The following TIMP2 variants were observed in gnomAD, a reference collection of about 807,000 sequenced individuals.
TIMP2 encodes metalloproteinase inhibitor 2.
A neutral mutation model predicts 24.3 loss-of-function variants in TIMP2; 5 were observed. The observed-to-expected ratio is 0.21, with a 90% CI of 0.11 to 0.43. TIMP2 has a LOEUF of 0.43. Among genes scored for constraint, TIMP2 ranks in the 20% least tolerant of loss-of-function variants. TIMP2 has a pLI of 1.00. For synonymous variants in TIMP2, 130 were observed against 123.2 expected (o/e 1.06, Z -0.37); for missense variants, 221 against 297.5 (o/e 0.74, Z 1.89).
chr17:78,899,945 A>C (rs1355691012), intron 1 of TIMP2: 1 of 152,222 alleles, frequency 6.6e-6, no homozygotes, highest in Non-Finnish European at 1.5e-5. Context: ...CATCGGCCAG[A>C]GAGAGAACAT....
chr17:78,912,355 G>T (rs1026676931), intron 1 of TIMP2, among the ~76,000 whole-genome samples: 1 of 152,114 alleles, frequency 6.6e-6, no homozygotes, highest in African/African-American at 2.4e-5. Context: ...AGTTTGCTTT[G>T]CCACGTCTGT....
At chr17:78,870,415 CA>C (rs899523959) in intron 3 of TIMP2, among the ~76,000 whole-genome samples, 2 of 46,994 alleles carry the variant, frequency 4.3e-5, no homozygotes, top group African/African-American at 6.9e-5. Context: ...CACTCTGTCT[CA>C]AAAAAAAAGA....
At chr17:78,918,074 A>ACACACACACACG (rs2070277612) in intron 1 of TIMP2, among the ~76,000 whole-genome samples, 1 of 79,820 alleles carries the variant, frequency 1.3e-5, no homozygotes, top group African/African-American at 3.7e-5. Flanking sequence ...AAACACACAC[A>ACACACACACACG]CACACACACA....
chr17:78,924,969 A>G lies in TIMP2; in HGVS notation c.120T>C (p.Asn40=). Residue 40 remains asparagine, a synonymous_variant, in exon 1 of 5, where the codon AAT becomes AAC. Coordinates refer to ENST00000262768, the MANE Select transcript of TIMP2 (RefSeq NM_003255.5). The surrounding 1 kb of genome is among the most constrained non-coding windows in gnomAD (Gnocchi z 5.3). ...GTCGCCGCTCCTTACCTACATCTGC[A>G]TTGCAAAACGCCTGTTGCGGGTGCA... ...SPVHPQQAFC[N]ADVVIRAKAV... The G allele has an allele frequency of 1.5e-6, 2 of 1,297,626 alleles. No homozygotes were observed. The highest frequency in any genetic ancestry group is 2.0e-6 in the Non-Finnish European group (2 of 1,013,078). The allele number at this position is 1,297,626 out of a possible 1,614,324, so 80.4% of individuals were successfully genotyped here.
At chr17:78,859,627 A>C (rs1480694468) in intron 3 of TIMP2, among the ~76,000 whole-genome samples, 1 of 151,324 alleles carries the variant, frequency 6.6e-6, no homozygotes, top group Non-Finnish European at 1.5e-5. Flanking sequence ...TGCAAACTGC[A>C]CTCCAGCCTG....
At chr17:78,870,227 C>T (rs2069665443) in intron 3 of TIMP2, among the ~76,000 whole-genome samples, 1 of 152,052 alleles carries the variant, frequency 6.6e-6, no homozygotes, top group African/African-American at 2.4e-5. Context: ...ACCAGCCTGA[C>T]CAACACGGTA....
chr17:78,887,174 G>A (rs1490365526), intron 1 of TIMP2, among the ~76,000 whole-genome samples: 1 of 152,162 alleles, frequency 6.6e-6, no homozygotes, highest in Admixed American at 6.5e-5. Context: ...TTGGTTCCAC[G>A]AGCTTCGCAT....
chr17:78,900,781 G>A lies in TIMP2; in HGVS notation c.130+24178C>T, dbSNP rs565803813. Among the ~76,000 whole-genome samples, 19 of 152,298 alleles carry A rather than the reference G, an allele frequency of 1.2e-4. 2 individuals are homozygous for A. Among genetic ancestry groups the A allele is most frequent in the African/African-American group, 4.6e-4 (19 of 41,570 alleles). ...TCTTACAAGATAAAAAAAGGTAATG[G>A]GAACACATCTAAAACTTATATGTGG... is the stretch of plus-strand genomic sequence containing the variant. On this transcript the variant is annotated intron_variant, in intron 1 of 4. Coordinates refer to ENST00000262768, the MANE Select transcript of TIMP2 (RefSeq NM_003255.5).
rs903811399 is a variant in TIMP2 at position 78,877,851 on chromosome 17, G to A, written c.131-3932C>T. 1.2e-4 allele frequency among the ~76,000 whole-genome samples: 18 copies of A among 151,882 alleles called. No individual in the cohort carries two copies. In the East Asian group the frequency reaches 3.3e-3, roughly 28 times the overall value. On this transcript the variant is annotated intron_variant, in intron 1 of 4. Transcript: ENST00000262768. ...CCCAAGTAGCTGGGATTACAGGCAC[G>A]CGCCACCATGCCCGGCTAATTTTTT...
At chr17:78,867,706 C>T (rs1457166448) in intron 3 of TIMP2, among the ~76,000 whole-genome samples, 1 of 151,630 alleles carries the variant, frequency 6.6e-6, no homozygotes, top group Non-Finnish European at 1.5e-5. Context: ...CGCCATTCTC[C>T]TGCCTCAGCC....
chr17:78,893,352 T>G (rs2069942102), intron 1 of TIMP2, among the ~76,000 whole-genome samples: 2 of 139,750 alleles, frequency 1.4e-5, no homozygotes, highest in Admixed American at 7.1e-5. Flanking sequence ...TGTGCAGGGG[T>G]GTGTGTGCAG....
intron 2 of TIMP2, 37 bp from the exon 3 acceptor site, chr17:78,871,043 A>C (rs1209230572): frequency 2.6e-6 from 4 of 1,564,238 alleles, no homozygotes; most frequent in Non-Finnish European, 3.5e-6. Context: ...AAGCAGAGGG[A>C]GGCCACACAG....
In TIMP2 at chr17:78,921,198, T is replaced by C. The variant is rs569649566; in HGVS notation, c.130+3761A>G. 4.9e-4 allele frequency among the ~76,000 whole-genome samples: 75 copies of C among 152,312 alleles called. 1 individual carries two copies. Among genetic ancestry groups the C allele is most frequent in the Admixed American group, 4.6e-3 (70 of 15,294 alleles). ...TCTGGGGTGGCCCCTACTATCTGTC[T>C]GGTCCCTGTCACTGTGTCCCCCAGG... On this transcript the variant is annotated intron_variant, in intron 1 of 4. Coordinates refer to ENST00000262768, the MANE Select transcript of TIMP2 (RefSeq NM_003255.5).
At chr17:78,917,924 T>C (rs1489507024) in intron 1 of TIMP2, among the ~76,000 whole-genome samples, 1 of 152,058 alleles carries the variant, frequency 6.6e-6, no homozygotes, top group Non-Finnish European at 1.5e-5. Flanking sequence ...AGGCAGATAC[T>C]CACAAGAAAC....
At position 78,871,089 on chromosome 17, in the gene TIMP2, C is replaced by T. The variant is rs184450073; in HGVS notation, c.232-83G>A. The T allele has an allele frequency of 2.7e-4, 312 of 1,169,096 alleles. 1 individual carries two copies. In the African/African-American group the frequency reaches 3.9e-3, roughly 15 times the overall value. The allele number at this position is 1,169,096 out of a possible 1,614,324, so 72.4% of individuals were successfully genotyped here. On this transcript the variant is annotated intron_variant, in intron 2 of 4. Transcript: ENST00000262768. ...CCGTTCCCATCCAGAACACCCTGGG[C>T]GGCACAACCTGTAGCTGGGGTACAG... is the stretch of plus-strand genomic sequence containing the variant.
In TIMP2 at chr17:78,896,819, C is replaced by G. The variant is rs569595687; in HGVS notation, c.131-22900G>C. On this transcript the variant is annotated intron_variant, in intron 1 of 4. Transcript: ENST00000262768. This position sits in a 1 kb window ranked among gnomAD's most constrained non-coding sequence, Gnocchi z 4.4. The stretch of plus-strand genomic sequence containing the variant: ...ACTGGGCCCATTCTCCTCTCTTGCT[C>G]TCTACAGCCCCGTGGCCCCAGCGCA... 1.6e-6 allele frequency: 1 copy of G among 622,686 alleles called. No homozygotes were observed. The highest frequency in any genetic ancestry group is 1.4e-4 in the East Asian group (1 of 7,184). 38.6% of individuals were successfully genotyped at this position (622,686 alleles called of 1,614,324 possible).
At chr17:78,865,070 A>C (rs893823165) in intron 3 of TIMP2, among the ~76,000 whole-genome samples, 4 of 152,184 alleles carry the variant, frequency 2.6e-5, no homozygotes, top group African/African-American at 9.6e-5. Context: ...AAAATAAAAT[A>C]AAATCTGACC....
At chr17:78,917,707 G>T (rs1161938435) in intron 1 of TIMP2, among the ~76,000 whole-genome samples, 1 of 152,080 alleles carries the variant, frequency 6.6e-6, no homozygotes, top group African/African-American at 2.4e-5. Context: ...GAACCTCCCA[G>T]GTCTTTGGAG....
intron 1 of TIMP2, among the ~76,000 whole-genome samples, chr17:78,902,380 T>G (rs747877264): frequency 1.3e-4 from 20 of 152,344 alleles, no homozygotes; most frequent in Middle Eastern, 3.4e-3. Flanking sequence ...AGTGCTGGGA[T>G]TCCAGGCATG....
Sources: gnomAD v4.1 joint callset for allele counts (sites outside exome capture counted in the v4.1 genomes callset) on GRCh38, gnomAD v4.1.1 for gene constraint, Gnocchi (gnomAD v3.1) non-coding constraint, MANE v1.5 for transcripts, NCBI Gene and HGNC (gene_info 2026-07-23, HGNC 2026-07-21) for gene names.